RXFP2: variants seen among roughly 807,000 people sequenced by gnomAD.
RXFP2 encodes relaxin family peptide receptor 2.
A neutral mutation model predicts 88.6 loss-of-function variants in RXFP2; 68 were observed. The ratio of observed to expected loss-of-function variants is 0.77; its 90% CI spans 0.63 to 0.94. RXFP2 has a LOEUF of 0.94. Ranked by LOEUF, RXFP2 falls within the 40% of genes least tolerant of loss-of-function variation. The pLI is 0.00. For synonymous variants in RXFP2, 329 were observed against 306.8 expected (o/e 1.07, Z -0.76); for missense variants, 791 against 893.9 (o/e 0.88, Z 1.47).
intron 3 of RXFP2, among the ~76,000 whole-genome samples, chr13:31,763,351 T>C (rs1015213773): frequency 1.3e-5 from 2 of 152,062 alleles, no homozygotes; most frequent in African/African-American, 4.8e-5. Context: ...CCCCAAAGTG[T>C]TGGGATTACG....
intron 17 of RXFP2, among the ~76,000 whole-genome samples, chr13:31,800,686 A>G (rs915565399): frequency 6.6e-6 from 1 of 152,214 alleles, no homozygotes. Context: ...TACGTGGCCT[A>G]TTTGCCTTTG....
intron 16 of RXFP2, among the ~76,000 whole-genome samples, chr13:31,795,337 T>A (rs1436592287): frequency 1.3e-5 from 2 of 151,764 alleles, no homozygotes; most frequent in Admixed American, 1.3e-4. Flanking sequence ...TTTAGTAGAG[T>A]CCAGGTTTCA....
chr13:31,742,587 T>A (rs981763156), intron 1 of RXFP2, among the ~76,000 whole-genome samples: 1 of 152,154 alleles, frequency 6.6e-6, no homozygotes, highest in South Asian at 2.1e-4. Context: ...GCTAAATACA[T>A]CTCACAACAG....
intron 4 of RXFP2, among the ~76,000 whole-genome samples, chr13:31,765,737 A>G (rs1308483828): frequency 6.6e-6 from 1 of 152,210 alleles, no homozygotes; most frequent in Non-Finnish European, 1.5e-5. Flanking sequence ...CCAGTCTACT[A>G]TACTAACTGG....
At chr13:31,785,685 T>C (rs755140004) in intron 11 of RXFP2, among the ~76,000 whole-genome samples, 54 of 152,088 alleles carry the variant, frequency 3.6e-4, no homozygotes, top group Non-Finnish European at 6.2e-4. Flanking sequence ...GACTCTTAGT[T>C]AGGCAACTGT....
chr13:31,798,940 G>A (rs1261334228), intron 17 of RXFP2, among the ~76,000 whole-genome samples: 1 of 152,118 alleles, frequency 6.6e-6, no homozygotes, highest in African/African-American at 2.4e-5. Context: ...CAATCCAGTT[G>A]CTTAAACATC....
chr13:31,743,916 T>C (rs927603643), intron 1 of RXFP2, among the ~76,000 whole-genome samples: 2 of 152,254 alleles, frequency 1.3e-5, no homozygotes, highest in East Asian at 1.9e-4. Context: ...TCCATCCTGA[T>C]TGGTCACATC....
Position 31,775,319 on chromosome 13 carries a change from T to G in RXFP2, c.571T>G (p.Tyr191Asp), listed in dbSNP as rs1435307187. Reference sequence around the variant, plus strand: ...TTAACTCACCCATGCTATTTGTAGATATCTCAACCACAACTGCATCACAAC... The same window carrying G: ...TTAACTCACCCATGCTATTTGTAGAGATCTCAACCACAACTGCATCACAAC... ...FFGLCNLQIL[Y>D]LNHNCITTLR... Residue 191 changes from tyrosine (Y) to aspartate (D), a missense_variant and splice_region_variant, in exon 7 of 18, where the codon TAT becomes GAT. By Grantham distance (160) the Tyr-to-Asp change is radical. Coordinates refer to ENST00000298386, the MANE Select transcript of RXFP2 (RefSeq NM_130806.5). 1 of 1,612,610 alleles carries G rather than the reference T, an allele frequency of 6.2e-7. No individual in the cohort carries two copies. Among genetic ancestry groups the G allele is most frequent in the Non-Finnish European group, 8.5e-7 (1 of 1,178,774 alleles).
chr13:31,799,556 G>A (rs1401915404), intron 17 of RXFP2, among the ~76,000 whole-genome samples: 18 of 152,150 alleles, frequency 1.2e-4, no homozygotes, highest in Admixed American at 1.2e-3. Flanking sequence ...CTTGTAGGGG[G>A]ACGCAGCCTA....
chr13:31,757,079 T>A (rs992207312), intron 1 of RXFP2, among the ~76,000 whole-genome samples: 7 of 152,224 alleles, frequency 4.6e-5, no homozygotes, highest in African/African-American at 1.7e-4. Context: ...ATATAATACT[T>A]TTGTAAATGT....
intron 9 of RXFP2, 78 bp from the exon 10 acceptor site, chr13:31,781,593 T>C (rs531430513): frequency 2.0e-6 from 2 of 1,024,718 alleles, no homozygotes; most frequent in East Asian, 2.5e-5. Context: ...ATAAACTTGA[T>C]AACCATTTTA....
chr13:31,797,066 T>C (rs554088616), intron 16 of RXFP2, 135 bp from the exon 17 acceptor site: 2 of 718,804 alleles, frequency 2.8e-6, no homozygotes, highest in Non-Finnish European at 5.0e-6. Context: ...TATGAATGTG[T>C]AAATATTCCG....
At chr13:31,749,632 C>T (rs4943706) in intron 1 of RXFP2, among the ~76,000 whole-genome samples, 148,918 of 152,316 alleles carry the variant, frequency 0.98, 72,897 homozygotes, top group East Asian at 1. Flanking sequence ...TTTTGTTAGA[C>T]TTATTCCTAA....
intron 9 of RXFP2, among the ~76,000 whole-genome samples, chr13:31,781,348 G>C (rs371969412): frequency 1.3e-5 from 2 of 152,094 alleles, no homozygotes; most frequent in Non-Finnish European, 2.9e-5. Context: ...TGTGTGATGC[G>C]TGTAGAACAG....
Position 31,797,411 on chromosome 13 carries a change from A to C in RXFP2, c.1997A>C (p.Glu666Ala). The change falls in exon 17 of 18, where the codon GAA (glutamate) becomes GCA (alanine). Residue 666 changes from glutamate (E) to alanine (A), a missense_variant. Coordinates refer to ENST00000298386, the MANE Select transcript of RXFP2 (RefSeq NM_130806.5). ...AAAATCCTTTCCCTCTTCCGGGTGGAAATACCAGGTCAGTCTCTTCTATCA... is the reference window on the plus strand; with the variant it reads ...AAAATCCTTTCCCTCTTCCGGGTGGCAATACCAGGTCAGTCTCTTCTATCA... The part of the protein sequence containing the change: ...VVKILSLFRV[E>A]IPDTMTSWIV... 2.5e-6 allele frequency: 4 copies of C among 1,612,652 alleles called. No homozygotes were observed. Among genetic ancestry groups the C allele is most frequent in the Non-Finnish European group, 3.4e-6 (4 of 1,178,716 alleles).
At chr13:31,745,270 C>T (rs1351278069) in intron 1 of RXFP2, among the ~76,000 whole-genome samples, 1 of 152,096 alleles carries the variant, frequency 6.6e-6, no homozygotes, top group Non-Finnish European at 1.5e-5. Flanking sequence ...TTCTCCTGCA[C>T]ACAGCTCCTC....
intron 11 of RXFP2, among the ~76,000 whole-genome samples, chr13:31,783,983 A>ATTTTTTTTTTT (rs10686799): frequency 2.4e-4 from 29 of 121,558 alleles, no homozygotes; most frequent in South Asian, 1.2e-3. Flanking sequence ...TGCCTGGCTA[A>ATTTTTTTTTTT]TTTTTTTTTT....
intron 16 of RXFP2, among the ~76,000 whole-genome samples, chr13:31,794,734 AGG>A (rs1038386559): frequency 8.1e-4 from 123 of 152,310 alleles, no homozygotes; most frequent in African/African-American, 2.8e-3. Flanking sequence ...TCTGTGTTCC[AGG>A]AAGACATAGT....
intron 5 of RXFP2, among the ~76,000 whole-genome samples, chr13:31,769,635 C>G (rs1872666129): frequency 6.6e-6 from 1 of 152,206 alleles, no homozygotes; most frequent in Admixed American, 6.5e-5. Flanking sequence ...CTTCTGCACT[C>G]TATGTGCCCT....
Sources: gnomAD v4.1 joint callset for allele counts (sites outside exome capture counted in the v4.1 genomes callset) on GRCh38, gnomAD v4.1.1 for gene constraint, MANE v1.5 for transcripts, NCBI Gene and HGNC (gene_info 2026-07-23, HGNC 2026-07-21) for gene names.